The following TCF20 variants were observed in gnomAD, a reference collection of about 807,000 sequenced individuals.
TCF20 encodes the protein transcription factor 20, also known as SPRE-binding protein.
TCF20 carries 3 observed loss-of-function variants against 148.6 expected under a neutral mutation model. The ratio of observed to expected loss-of-function variants is 0.02; its 90% CI spans 0.01 to 0.05. The LOEUF (loss-of-function observed/expected upper bound fraction) is 0.05, where lower values mean the gene tolerates loss of function less well. TCF20 is among the 10% of genes least tolerant of loss of function. TCF20 has a pLI of 1.00. For missense variants in TCF20, 2,350 were observed against 2,429.3 expected (o/e 0.97, Z 0.69); for synonymous variants, 1,049 against 909.5 (o/e 1.15, Z -2.76).
At chr22:42,180,472 G>A (rs1936716337) in intron 2 of TCF20, among the ~76,000 whole-genome samples, 1 of 152,120 alleles carries the variant, frequency 6.6e-6, no homozygotes, top group Non-Finnish European at 1.5e-5. Flanking sequence ...TAAGAAATGT[G>A]TCCTATCAGC....
intron 1 of TCF20, among the ~76,000 whole-genome samples, chr22:42,315,670 G>C (rs1569207694): frequency 6.6e-6 from 1 of 152,136 alleles, no homozygotes. Flanking sequence ...CCAGAGAGGG[G>C]GGCACATAAG....
intron 1 of TCF20, among the ~76,000 whole-genome samples, chr22:42,246,005 T>G (rs188213742): frequency 6.6e-6 from 1 of 152,354 alleles, no homozygotes; most frequent in Non-Finnish European, 1.5e-5. Flanking sequence ...GTACTAGGAC[T>G]CATCCCCAAA....
intron 1 of TCF20, among the ~76,000 whole-genome samples, chr22:42,232,589 A>G (rs1435632290): frequency 2.0e-5 from 3 of 152,102 alleles, no homozygotes; most frequent in Non-Finnish European, 4.4e-5. Context: ...GCACTTTGGG[A>G]GGTCGAGGCG....
At chr22:42,181,420 G>A (rs1411009196) in intron 2 of TCF20, among the ~76,000 whole-genome samples, 1 of 151,566 alleles carries the variant, frequency 6.6e-6, no homozygotes, top group African/African-American at 2.4e-5. Context: ...TGACCTCATC[G>A]CATCTGGCCT....
At position 42,265,812 on chromosome 22, in the gene TCF20, A is replaced by G. The variant is rs375541273; in HGVS notation, c.-37+4527T>C. The stretch of plus-strand genomic sequence containing the variant: ...AAATGATTCTAGTGCATTGTAAACT[A>G]GTCAGGAAGAGATAGCCCTTTACGT... On this transcript the variant is annotated intron_variant, in intron 1 of 5. Coordinates refer to ENST00000677622, the MANE Select transcript of TCF20 (RefSeq NM_001378418.1). Among the ~76,000 whole-genome samples the G allele has an allele frequency of 2.0e-5, 3 of 152,352 alleles. No homozygotes were observed. The East Asian group carries it at 5.8e-4, about 29-fold the overall frequency.
At chr22:42,187,759 CTTCT>C (rs1937116303) in intron 2 of TCF20, among the ~76,000 whole-genome samples, 1 of 152,178 alleles carries the variant, frequency 6.6e-6, no homozygotes, top group African/African-American at 2.4e-5. Flanking sequence ...TAAGAATGTC[CTTCT>C]TTGTCTTTCT....
intron 1 of TCF20, among the ~76,000 whole-genome samples, chr22:42,329,974 C>G (rs546695441): frequency 2.6e-5 from 4 of 152,306 alleles, no homozygotes; most frequent in Middle Eastern, 3.4e-3. Context: ...GGAAACCCAC[C>G]CAGCCATCTA....
intron 1 of TCF20, among the ~76,000 whole-genome samples, chr22:42,235,698 G>A (rs1385621814): frequency 6.6e-6 from 1 of 152,146 alleles, no homozygotes; most frequent in Non-Finnish European, 1.5e-5. Flanking sequence ...CTTGCCACTT[G>A]TTCTGTGACT....
At chr22:42,240,850 T>A (rs1924329897) in intron 1 of TCF20, among the ~76,000 whole-genome samples, 1 of 151,736 alleles carries the variant, frequency 6.6e-6, no homozygotes, top group African/African-American at 2.4e-5. Flanking sequence ...AAAACTCAAA[T>A]CTTCAACTTT....
intron 3 of TCF20, 79 bp downstream of exon 3, chr22:42,179,530 A>C: frequency 9.8e-7 from 1 of 1,020,362 alleles, no homozygotes; most frequent in Non-Finnish European, 1.4e-6. Context: ...AAGAAAAAAA[A>C]CAACGACAAC....
In TCF20 at chr22:42,185,222, C is replaced by G. The variant is rs1397631910; in HGVS notation, c.5656-5520G>C. Among the ~76,000 whole-genome samples, 3 of 152,204 alleles carry G rather than the reference C, an allele frequency of 2.0e-5. No homozygotes were observed. In the East Asian group the frequency reaches 5.8e-4, roughly 29 times the overall value. On this transcript the variant is annotated intron_variant, in intron 2 of 5. Coordinates refer to ENST00000677622, the MANE Select transcript of TCF20 (RefSeq NM_001378418.1). ...TTTTGTTCAAGCCTTGCAGATTACC[C>G]TCCACTACTGTGCCTAAGACGGCTC...
intron 1 of TCF20, among the ~76,000 whole-genome samples, chr22:42,300,574 C>T (rs1034772596): frequency 3.9e-5 from 6 of 152,054 alleles, no homozygotes; most frequent in South Asian, 2.1e-4. Flanking sequence ...TCAAGGGGTG[C>T]GGGCTAAGAC....
intron 1 of TCF20, among the ~76,000 whole-genome samples, chr22:42,321,973 A>G (rs1927741361): frequency 6.6e-6 from 1 of 151,574 alleles, no homozygotes; most frequent in Non-Finnish European, 1.5e-5. Context: ...AATAAAAATT[A>G]AAAAGTAGGG....
intron 1 of TCF20, among the ~76,000 whole-genome samples, chr22:42,231,928 C>CAAAAAAAAAAAAA (rs55642530): frequency 8.1e-6 from 1 of 123,270 alleles, no homozygotes; most frequent in African/African-American, 3.2e-5. Context: ...GACTCCGTCT[C>CAAAAAAAAAAAAA]AAAAAAAAAA....
Position 42,213,831 on chromosome 22 carries a change from G to C in TCF20, c.1475C>G (p.Ser492Cys). The change falls in exon 2 of 6, where the codon TCC (serine) becomes TGC (cysteine). Residue 492 changes from serine to cysteine, a missense_variant. Around this residue, in one of 7 missense-constraint regions of TCF20, gnomAD observed 1,641 missense variants for 1,662.6 expected, o/e 0.99. Transcript: ENST00000677622. ...ATTTGTGCAGCTATCTGCTTTCTTG[G>C]AAGATGAGGGCCTCTTGGAGGTCTT... ...QKKTSKRPSS[S>C]KKADSCTNSE... is the part of the protein sequence containing the mutation. 6.2e-7 allele frequency: 1 copy of C among 1,614,166 alleles called. No homozygotes were observed. The highest frequency in any genetic ancestry group is 8.5e-7 in the Non-Finnish European group (1 of 1,180,034).
At chr22:42,278,206 G>T (rs1926822179) in intron 1 of TCF20, 2 of 152,232 alleles carry the variant, frequency 1.3e-5, no homozygotes, top group South Asian at 4.1e-4. Flanking sequence ...ACCAGAAACA[G>T]AACCGAAAGC....
intron 1 of TCF20, among the ~76,000 whole-genome samples, chr22:42,339,744 G>T (rs938979511): frequency 6.6e-6 from 1 of 152,196 alleles, no homozygotes; most frequent in African/African-American, 2.4e-5. Flanking sequence ...AGGTGGCCCT[G>T]CCCCAACTGC....
intron 1 of TCF20, among the ~76,000 whole-genome samples, chr22:42,302,268 C>A (rs186698723): frequency 4.3e-4 from 65 of 152,276 alleles, no homozygotes; most frequent in Middle Eastern, 6.8e-3. Flanking sequence ...GGCACTCAGG[C>A]TGGTGGTGGC....
rs17002975 is a variant in TCF20 at position 42,312,767 on chromosome 22, G to A, written c.-37+30712C>T. 4.4e-3 allele frequency among the ~76,000 whole-genome samples: 672 copies of A among 152,206 alleles called. 39 individuals are homozygous for A. The East Asian group carries it at 0.11, about 26-fold the overall frequency. ...TGGTCATCCCTTCATGAAGAGCCAG[G>A]AGCTGCAAGTCCCTGGAAGCTCATA... On this transcript the variant is annotated intron_variant, in intron 1 of 1. Transcript: ENST00000515426.
Sources: allele counts gnomAD v4.1 joint callset (sites outside exome capture counted in the v4.1 genomes callset), GRCh38; gene constraint gnomAD v4.1.1; regional missense constraint gnomAD v4.1.1; transcripts MANE v1.5; gene names NCBI Gene and HGNC (gene_info 2026-07-23, HGNC 2026-07-21).